KIF2C: variants seen among roughly 807,000 people sequenced by gnomAD.
The protein encoded by KIF2C is kinesin-like protein KIF2C.
A neutral mutation model predicts 97.4 loss-of-function variants in KIF2C; 34 were observed. The observed-to-expected ratio is 0.35, with a 90% CI of 0.27 to 0.46. KIF2C has a LOEUF of 0.46. Ranked by LOEUF, KIF2C falls within the 20% of genes least tolerant of loss-of-function variation. The probability of loss-of-function intolerance (pLI) is 1.00; values close to 1 mark genes in which losing one functional copy is unlikely to be tolerated. For missense variants in KIF2C, 750 were observed against 907.6 expected, an observed-to-expected ratio of 0.83 and a Z score of 2.23; for synonymous variants, 313 against 318.2, an observed-to-expected ratio of 0.98 and a Z score of 0.17.
intron 19 of KIF2C, 63 bp from the exon 20 acceptor site, chr1:44,766,763 T>TAGG (rs1450187782): frequency 6.3e-7 from 1 of 1,581,586 alleles, no homozygotes; most frequent in Non-Finnish European, 8.6e-7. Context: ...TTGCAGTTGG[T>TAGG]AGGACCCCAG....
chr1:44,760,952 C>T lies in KIF2C; in HGVS notation c.1683+250C>T, dbSNP rs897617251. ...AGCTCTTGGTTTGGGAGAGGTCATTCCTGCATTACCTGATGAAAAGGGGGT... is the reference window on the plus strand; with the variant it reads ...AGCTCTTGGTTTGGGAGAGGTCATTTCTGCATTACCTGATGAAAAGGGGGT... On this transcript the variant is annotated intron_variant, in intron 16 of 20. Transcript: ENST00000372224. The surrounding 1 kb of genome is among the most constrained non-coding windows in gnomAD (Gnocchi z 4.2). 3.9e-5 allele frequency: 17 copies of T among 437,284 alleles called. No homozygotes were observed. Among genetic ancestry groups the T allele is most frequent in the Non-Finnish European group, 6.7e-5 (16 of 239,752 alleles). The allele number at this position is 437,284 out of a possible 1,614,324, so 27.1% of individuals were successfully genotyped here.
Position 44,740,974 on chromosome 1 carries a change from A to G in KIF2C, c.132A>G (p.Glu44=). Residue 44 remains glutamate (E), a synonymous_variant, in exon 2 of 21, where the codon GAA becomes GAG. Transcript: ENST00000372224. The part of the protein sequence containing the change: ...VNLEKSCVSV[E]WAEGGATKGK... ...TGGAGAAATCCTGTGTTTCAGTGGAATGGGCAGAAGGAGGTGCCACAAAGG... is the reference window on the plus strand; with the variant it reads ...TGGAGAAATCCTGTGTTTCAGTGGAGTGGGCAGAAGGAGGTGCCACAAAGG... 6.2e-7 allele frequency: 1 copy of G among 1,613,868 alleles called. No individual in the cohort carries two copies. The highest frequency in any genetic ancestry group is 1.3e-5 in the African/African-American group (1 of 75,038).
At chr1:44,746,127 C>T (rs1415628792) in intron 2 of KIF2C, among the ~76,000 whole-genome samples, 2 of 152,166 alleles carry the variant, frequency 1.3e-5, no homozygotes, top group East Asian at 1.9e-4. Flanking sequence ...ATCCGCCCAC[C>T]TCGGCCTCCC....
intron 8 of KIF2C, among the ~76,000 whole-genome samples, chr1:44,755,486 G>A (rs769146765): frequency 2.6e-5 from 4 of 151,758 alleles, no homozygotes; most frequent in Non-Finnish European, 4.4e-5. Context: ...GGCTGGTGTC[G>A]AACTCCTGAC....
Position 44,755,989 on chromosome 1 carries a change from T to C in KIF2C, c.814+6T>C. The C allele has an allele frequency of 5.6e-6, 9 of 1,614,078 alleles. No homozygotes were observed. The highest frequency in any genetic ancestry group is 7.6e-6 in the Non-Finnish European group (9 of 1,179,952). ...ACGCCCACTGAATAAGCAAGGTAAG[T>C]CCTGTTCAGTCAGGAAGAGGCTTCA... On this transcript the variant is annotated splice_donor_region_variant and intron_variant, in intron 9 of 20. Coordinates refer to ENST00000372224, the MANE Select transcript of KIF2C (RefSeq NM_006845.4).
In KIF2C at chr1:44,760,090, A is replaced by G. The variant is rs1052611756; in HGVS notation, c.1368-190A>G. Among the ~76,000 whole-genome samples, 6 of 152,194 alleles carry G rather than the reference A, an allele frequency of 3.9e-5. No homozygotes were observed. Among genetic ancestry groups the G allele is most frequent in the Non-Finnish European group, 8.8e-5 (6 of 68,024 alleles). ...AGAATCCAGTACTAATTTGGCTGCC[A>G]GGAAAATGTATTAGGTCCAGAGCTG... On this transcript the variant is annotated intron_variant, in intron 14 of 20. Coordinates refer to ENST00000372224, the MANE Select transcript of KIF2C (RefSeq NM_006845.4). The surrounding 1 kb of genome is among the most constrained non-coding windows in gnomAD (Gnocchi z 4.2).
In KIF2C at chr1:44,751,854, C is replaced by T. The variant is rs1573560581; in HGVS notation, c.440-1278C>T. Among the ~76,000 whole-genome samples the T allele has an allele frequency of 5.1e-5, 6 of 117,960 alleles. No homozygotes were observed. In the South Asian group the frequency reaches 1.8e-3, roughly 35 times the overall value. The allele number at this position is 117,960 out of a possible 152,430, so 77.4% of individuals were successfully genotyped here. Reference sequence around the variant, plus strand: ...TTTTTTTTTTTGAGATGGAGTCTCGCTGTGTCGCCCAGGCTGGAGTGCTGT... The same window carrying T: ...TTTTTTTTTTTGAGATGGAGTCTCGTTGTGTCGCCCAGGCTGGAGTGCTGT... On this transcript the variant is annotated intron_variant, in intron 5 of 20. Transcript: ENST00000372224.
At chr1:44,742,658 G>A (rs1489607095) in intron 2 of KIF2C, among the ~76,000 whole-genome samples, 5 of 149,696 alleles carry the variant, frequency 3.3e-5, no homozygotes, top group Non-Finnish European at 7.4e-5. Flanking sequence ...GGCAGAGGTT[G>A]CAGTGAGCTG....
chr1:44,747,517 C>T (rs755093561), intron 3 of KIF2C, 32 bp downstream of exon 3: 41 of 1,574,150 alleles, frequency 2.6e-5, no homozygotes, highest in East Asian at 8.9e-5. Context: ...GCAGCCAGTG[C>T]GCCAGAGAAT....
intron 2 of KIF2C, chr1:44,746,776 G>A: frequency 3.1e-6 from 5 of 1,604,078 alleles, no homozygotes; most frequent in Non-Finnish European, 4.3e-6. Context: ...CATTATTAAG[G>A]AGTAACTATT....
intron 5 of KIF2C, 136 bp downstream of exon 5, chr1:44,750,700 C>A: frequency 9.8e-7 from 1 of 1,025,084 alleles, no homozygotes; most frequent in Non-Finnish European, 1.3e-6. Flanking sequence ...ACCAACACGG[C>A]TTTCTTATTT....
In KIF2C at chr1:44,753,713, T is replaced by C. The variant is rs771286872; in HGVS notation, c.563-20T>C. 9 of 1,545,612 alleles carry C rather than the reference T, an allele frequency of 5.8e-6. No homozygotes were observed. The East Asian group carries it at 1.8e-4, about 31-fold the overall frequency. ...AGAGTGGGCTTCCTTTTTTTTTCTT[T>C]TTTTTTTATGTTTTCATAGTTCGGA... On this transcript the variant is annotated intron_variant, in intron 6 of 20. Transcript: ENST00000372224.
intron 10 of KIF2C, among the ~76,000 whole-genome samples, chr1:44,756,799 G>C (rs146777168): frequency 6.6e-6 from 1 of 151,008 alleles, no homozygotes; most frequent in Admixed American, 6.6e-5. Context: ...TGATCCGCTC[G>C]CCTTGGCCTC....
intron 6 of KIF2C, 111 bp downstream of exon 6, chr1:44,753,365 G>A (rs774552728): frequency 3.2e-5 from 39 of 1,205,862 alleles, no homozygotes; most frequent in South Asian, 4.9e-5. Flanking sequence ...TGTTTGTCAC[G>A]TGGGGGCATG....
At chr1:44,766,187 C>T (rs1650454893) in intron 19 of KIF2C, among the ~76,000 whole-genome samples, 1 of 152,028 alleles carries the variant, frequency 6.6e-6, no homozygotes, top group Admixed American at 6.6e-5. Flanking sequence ...GATCGCACAC[C>T]ACTTCACTCC....
chr1:44,757,546 C>G lies in KIF2C; in HGVS notation c.978-10C>G, dbSNP rs774880613. On this transcript the variant is annotated splice_polypyrimidine_tract_variant and intron_variant, in intron 10 of 20. Transcript: ENST00000372224. Reference sequence around the variant, plus strand: ...TGGGAACAGATACAAATACTCTACCCCTCTTCTAGGTTCACAGCAAGGCCA... The same window carrying G: ...TGGGAACAGATACAAATACTCTACCGCTCTTCTAGGTTCACAGCAAGGCCA... 6.3e-7 allele frequency: 1 copy of G among 1,580,476 alleles called. No homozygotes were observed. The highest frequency in any genetic ancestry group is 1.1e-5 in the South Asian group (1 of 90,322).
intron 4 of KIF2C, among the ~76,000 whole-genome samples, chr1:44,747,936 A>G (rs1301980599): frequency 2.0e-5 from 3 of 152,262 alleles, no homozygotes; most frequent in African/African-American, 4.8e-5. Flanking sequence ...CCTTTTCTGT[A>G]GAATCCAGAG....
Position 44,756,388 on chromosome 1 carries a change from A to T in KIF2C, c.977+151A>T, listed in dbSNP as rs1446068104. 7.3e-6 allele frequency: 6 copies of T among 825,080 alleles called. No individual in the cohort carries two copies. In the East Asian group the frequency reaches 1.5e-4, roughly 20 times the overall value. 51.1% of individuals were successfully genotyped at this position (825,080 alleles called of 1,614,324 possible). ...TTTGGGTCACACCCTTTGGCAGCTT[A>T]GTGGCCCATCCTTGAGTGGATACTG... On this transcript the variant is annotated intron_variant, in intron 10 of 20. Coordinates refer to ENST00000372224, the MANE Select transcript of KIF2C (RefSeq NM_006845.4).
chr1:44,742,899 A>G (rs1246394035), intron 2 of KIF2C, among the ~76,000 whole-genome samples: 1 of 152,154 alleles, frequency 6.6e-6, no homozygotes, highest in African/African-American at 2.4e-5. Context: ...ACAGAAGACA[A>G]CTTGTGATGA....
Sources: gnomAD v4.1 joint callset for allele counts (sites outside exome capture counted in the v4.1 genomes callset) on GRCh38, gnomAD v4.1.1 for gene constraint, Gnocchi (gnomAD v3.1) non-coding constraint, MANE v1.5 for transcripts, NCBI Gene and HGNC (gene_info 2026-07-23, HGNC 2026-07-21) for gene names.